TUBGCP2: variants seen among roughly 807,000 people sequenced by gnomAD.
The protein encoded by TUBGCP2 is tubulin gamma complex component 2, also known as gamma-tubulin complex component 2.
A neutral mutation model predicts 92.2 loss-of-function variants in TUBGCP2; 55 were observed. The ratio of observed to expected loss-of-function variants is 0.60; its 90% CI spans 0.48 to 0.75. TUBGCP2 has a LOEUF of 0.75. Ranked by LOEUF, TUBGCP2 falls within the 30% of genes least tolerant of loss-of-function variation. The pLI is 0.00. For synonymous variants in TUBGCP2, 533 were observed against 505.2 expected, an observed-to-expected ratio of 1.06 and a Z score of -0.74; for missense variants, 1,093 against 1,188.9, an observed-to-expected ratio of 0.92 and a Z score of 1.19.
At chr10:133,300,241 T>C in intron 2 of TUBGCP2, 128 bp from the exon 3 acceptor site, 1 of 1,116,386 alleles carries the variant, frequency 9.0e-7, no homozygotes, top group Non-Finnish European at 1.3e-6. Flanking sequence ...ATTATCCCTC[T>C]GAAATAAACT....
chr10:133,301,410 C>T (rs926870825), intron 2 of TUBGCP2, among the ~76,000 whole-genome samples: 3 of 152,220 alleles, frequency 2.0e-5, no homozygotes, highest in Middle Eastern at 3.4e-3. Flanking sequence ...CAGGTGTGAG[C>T]GACCGTGCCC....
Position 133,292,562 on chromosome 10 carries a change from C to T in TUBGCP2, c.1151G>A (p.Ser384Asn), listed in dbSNP as rs769157859. 1 of 1,614,048 alleles carries T rather than the reference C, an allele frequency of 6.2e-7. No homozygotes were observed. Among genetic ancestry groups the T allele is most frequent in the Non-Finnish European group, 8.5e-7 (1 of 1,180,036 alleles). Reference protein sequence around the residue: ...ELCLYLTKAASAPYFEVLEKW... With the variant: ...ELCLYLTKAANAPYFEVLEKW... Reference sequence around the variant, plus strand: ...CTCCAGAACCTCGAAGTAGGGAGCACTGGCCGCCTTGGTTAGGTACAGGCA... The same window carrying T: ...CTCCAGAACCTCGAAGTAGGGAGCATTGGCCGCCTTGGTTAGGTACAGGCA... Residue 384 changes from serine (S) to asparagine (N), a missense_variant, in exon 8 of 18, where the codon AGT becomes AAT. Ser to Asn is a conservative substitution (Grantham distance 46). This residue lies in a region of TUBGCP2 where 490 missense variants were observed against 488.5 expected (regional missense o/e 1.00). Coordinates refer to ENST00000252936, the MANE Select transcript of TUBGCP2 (RefSeq NM_006659.4).
At chr10:133,281,827 C>A (rs1056761565) in intron 16 of TUBGCP2, among the ~76,000 whole-genome samples, 4 of 152,266 alleles carry the variant, frequency 2.6e-5, no homozygotes, top group Admixed American at 6.5e-5. Context: ...CCCACCCCAC[C>A]ATGCCACCCC....
chr10:133,312,202 T>C, upstream of TUBGCP2: 1 of 1,405,554 alleles, frequency 7.1e-7, no homozygotes, highest in Non-Finnish European at 9.2e-7. Context: ...ACCTGTGCCG[T>C]CTGCGTTTCT....
At chr10:133,301,011 C>A (rs1320910052) in intron 2 of TUBGCP2, among the ~76,000 whole-genome samples, 1 of 152,178 alleles carries the variant, frequency 6.6e-6, no homozygotes, top group African/African-American at 2.4e-5. Flanking sequence ...CCTTTTCCCC[C>A]CAGTAGTTTA....
At chr10:133,309,359 T>C (rs377538301), upstream of TUBGCP2, 268 of 1,601,570 alleles carry the variant, frequency 1.7e-4, no homozygotes, top group Non-Finnish European at 2.2e-4. Flanking sequence ...GCGAGTCACC[T>C]GGCCCCGCCC....
In TUBGCP2 at chr10:133,285,010, G is replaced by A. The variant is rs924507490; in HGVS notation, c.2024+75C>T. On this transcript the variant is annotated intron_variant, in intron 13 of 17. Coordinates refer to ENST00000252936, the MANE Select transcript of TUBGCP2 (RefSeq NM_006659.4). The surrounding 1 kb of genome is among the most constrained non-coding windows in gnomAD (Gnocchi z 6.8). ...AGCTGTCTACCAGGAGGGCACAAGG[G>A]GGGCGCTGCACCACTGGGCAGAGTG... is the stretch of plus-strand genomic sequence containing the variant. The A allele has an allele frequency of 1.5e-5, 23 of 1,516,312 alleles. No individual in the cohort carries two copies. The Middle Eastern group carries it at 7.1e-4, about 47-fold the overall frequency. 93.9% of individuals were successfully genotyped at this position (1,516,312 alleles called of 1,614,324 possible). A position where few individuals can be genotyped will look rare whatever the true frequency, so the allele number is the denominator to read the frequency against.
upstream of TUBGCP2, chr10:133,311,575 A>G (rs967855512): frequency 4.2e-6 from 3 of 707,716 alleles, no homozygotes; most frequent in South Asian, 1.9e-5. Context: ...AAACCACACT[A>G]TAAAATCAGA....
chr10:133,311,146 A>C (rs1415517901), upstream of TUBGCP2, among the ~76,000 whole-genome samples: 1 of 152,114 alleles, frequency 6.6e-6, no homozygotes, highest in Non-Finnish European at 1.5e-5. Context: ...TTTTTAACTG[A>C]TGAGGTGAAC....
chr10:133,285,645 T>G lies in TUBGCP2; in HGVS notation c.1723-17A>C. The G allele has an allele frequency of 2.7e-6, 4 of 1,498,862 alleles. No individual in the cohort carries two copies. The highest frequency in any genetic ancestry group is 3.6e-6 in the Non-Finnish European group (4 of 1,124,420). The allele number at this position is 1,498,862 out of a possible 1,614,324, so 92.8% of individuals were successfully genotyped here. On this transcript the variant is annotated splice_polypyrimidine_tract_variant and intron_variant, in intron 11 of 17. Transcript: ENST00000252936. The surrounding 1 kb of genome is among the most constrained non-coding windows in gnomAD (Gnocchi z 6.8). ...CAGGTCGATCTTGGAGGGAAGGAAA[T>G]GAAACAAAGCATCCAGTTTTAAGGA...
intron 16 of TUBGCP2, 103 bp downstream of exon 16, chr10:133,282,120 G>A (rs1036034310): frequency 6.5e-7 from 1 of 1,548,228 alleles, no homozygotes; most frequent in Admixed American, 1.9e-5. Flanking sequence ...AGGGGAGATG[G>A]AAGTAAAAGG....
intron 1 of TUBGCP2, among the ~76,000 whole-genome samples, chr10:133,304,056 T>C (rs893659297): frequency 6.6e-6 from 1 of 152,182 alleles, no homozygotes; most frequent in African/African-American, 2.4e-5. Flanking sequence ...CACATGGCTG[T>C]GTGCAGTGGC....
In TUBGCP2 at chr10:133,278,864, G is replaced by C. The variant is rs146711736; in HGVS notation, c.*902C>G. 6.6e-6 allele frequency: 1 copy of C among 152,358 alleles called. No homozygotes were observed. Among genetic ancestry groups the C allele is most frequent in the African/African-American group, 2.4e-5 (1 of 41,470 alleles). The allele number at this position is 152,358 out of a possible 1,614,324, so 9.4% of individuals were successfully genotyped here. ...CCCTTCCTCACTGCCCAAGGGGGCC[G>C]AGGTGCTGAGAGCTGAAGGTGACAA... On this transcript the variant is annotated 3_prime_UTR_variant, in exon 18 of 18. Coordinates refer to ENST00000252936, the MANE Select transcript of TUBGCP2 (RefSeq NM_006659.4).
rs1422526330 is a variant in TUBGCP2 at position 133,300,113 on chromosome 10, C to T, written c.151G>A (p.Val51Ile). ...GTACGAGAAAACTCTGCAATTTTAA[C>T]CTCAAAAGCACAAACATGAGTGATT... The part of the protein sequence containing the change: ...TTTVSAHSAK[V>I]KIAEFSRTPE... The change falls in exon 3 of 18, where the codon GTT (valine) becomes ATT (isoleucine). Residue 51 changes from valine (V) to isoleucine (I), a missense_variant and splice_region_variant. Transcript: ENST00000252936. 5 of 1,612,936 alleles carry T rather than the reference C, an allele frequency of 3.1e-6. No homozygotes were observed. Among genetic ancestry groups the T allele is most frequent in the Non-Finnish European group, 4.2e-6 (5 of 1,179,416 alleles).
chr10:133,311,080 G>A (rs1249587606), upstream of TUBGCP2, among the ~76,000 whole-genome samples: 1 of 152,166 alleles, frequency 6.6e-6, no homozygotes, highest in East Asian at 1.9e-4. Context: ...GAGATTGTAG[G>A]TATGAGCTAC....
intron 1 of TUBGCP2, among the ~76,000 whole-genome samples, chr10:133,305,058 C>G (rs1053698883): frequency 1.6e-4 from 25 of 152,152 alleles, no homozygotes; most frequent in Admixed American, 9.8e-4. Flanking sequence ...AGACTCTACG[C>G]CTCCAACTCT....
chr10:133,310,824 C>T (rs1847974788), upstream of TUBGCP2, among the ~76,000 whole-genome samples: 1 of 150,804 alleles, frequency 6.6e-6, no homozygotes, highest in African/African-American at 2.4e-5. Context: ...TTTTTTGAGA[C>T]AGGGTCTTGC....
chr10:133,296,639 G>A (rs981005948), intron 5 of TUBGCP2, among the ~76,000 whole-genome samples: 3 of 152,004 alleles, frequency 2.0e-5, no homozygotes, highest in Non-Finnish European at 4.4e-5. Flanking sequence ...TACCACACTC[G>A]GCTAATTTTC....
At chr10:133,307,127 A>C (rs911020377) in intron 1 of TUBGCP2, among the ~76,000 whole-genome samples, 1 of 152,254 alleles carries the variant, frequency 6.6e-6, no homozygotes, top group Non-Finnish European at 1.5e-5. Context: ...GCTCTGAGGA[A>C]CATCTAGCCG....
Sources: gnomAD v4.1 joint callset for allele counts (sites outside exome capture counted in the v4.1 genomes callset) on GRCh38, gnomAD v4.1.1 for gene constraint, gnomAD v4.1.1 regional missense constraint, Gnocchi (gnomAD v3.1) non-coding constraint, MANE v1.5 for transcripts, NCBI Gene and HGNC (gene_info 2026-07-23, HGNC 2026-07-21) for gene names.